Variants in ANKRD11 observed in about 807,000 individuals in gnomAD.
ANKRD11 encodes ankyrin repeat domain-containing protein 11.
A neutral mutation model predicts 195.7 loss-of-function variants in ANKRD11; 17 were observed. The observed-to-expected ratio is 0.09, with a 90% CI of 0.06 to 0.13. The LOEUF is 0.13. ANKRD11 is among the 10% of genes least tolerant of loss of function. ANKRD11 has a pLI of 1.00. For synonymous variants in ANKRD11, 1,953 were observed against 1,528.1 expected, an observed-to-expected ratio of 1.28 and a Z score of -6.49; for missense variants, 3,735 against 3,566.1, an observed-to-expected ratio of 1.05 and a Z score of -1.21.
intron 2 of ANKRD11, chr16:89,339,740 T>A (rs2038564111): frequency 6.6e-6 from 1 of 152,196 alleles, no homozygotes; most frequent in African/African-American, 2.4e-5. Context: ...GCTTTAGAAT[T>A]CTAACATTTA....
At chr16:89,407,871 A>AAG (rs2041972605) in intron 2 of ANKRD11, among the ~76,000 whole-genome samples, 2 of 117,928 alleles carry the variant, frequency 1.7e-5, no homozygotes, top group African/African-American at 6.1e-5. Flanking sequence ...AAAAAAAAAA[A>AAG]AAGAAGAAGA....
In ANKRD11 at chr16:89,281,922, T is replaced by C. The variant is rs762732341; in HGVS notation, c.4620A>G (p.Lys1540=). 2 of 1,613,230 alleles carry C rather than the reference T, an allele frequency of 1.2e-6. No homozygotes were observed. The highest frequency in any genetic ancestry group is 2.2e-5 in the East Asian group (1 of 44,894). The change falls in exon 9 of 13, where the codon AAA becomes AAG. Residue 1540 remains lysine (K), a synonymous_variant. Coordinates refer to ENST00000301030, the MANE Select transcript of ANKRD11 (RefSeq NM_013275.6). The surrounding 1 kb of genome is among the most constrained non-coding windows in gnomAD (Gnocchi z 5.5). ...LKEKFKDGAE[K]EKGDPVKMSN... ...TCATCTTCACTGGGTCGCCCTTTTC[T>C]TTCTCTGCACCGTCCTTGAATTTCT...
At chr16:89,490,054 G>T (rs1359636768) in intron 1 of ANKRD11, among the ~76,000 whole-genome samples, 191 bp downstream of exon 1, 1 of 142,458 alleles carries the variant, frequency 7.0e-6, no homozygotes, top group Admixed American at 6.8e-5. Flanking sequence ...GCCCGCTCCG[G>T]GACCCATTAT....
chr16:89,276,219 G>A (rs544840546), intron 9 of ANKRD11, among the ~76,000 whole-genome samples: 33 of 152,288 alleles, frequency 2.2e-4, no homozygotes, highest in African/African-American at 7.5e-4. Context: ...TGGCGATGCC[G>A]GGCACCTGCA....
chr16:89,424,408 T>A (rs1597362988), intron 1 of ANKRD11, among the ~76,000 whole-genome samples: 2 of 149,054 alleles, frequency 1.3e-5, no homozygotes, highest in South Asian at 4.3e-4. Flanking sequence ...ACCTCTGCAC[T>A]CCAGGCTGGG....
At chr16:89,472,184 C>A (rs1185863397) in intron 1 of ANKRD11, among the ~76,000 whole-genome samples, 2 of 152,154 alleles carry the variant, frequency 1.3e-5, no homozygotes, top group African/African-American at 4.8e-5. Context: ...GCTGTCAACA[C>A]TGCCCAATAA....
At chr16:89,295,759 G>A (rs1405270711) in intron 4 of ANKRD11, among the ~76,000 whole-genome samples, 9 of 151,138 alleles carry the variant, frequency 6.0e-5, no homozygotes. Context: ...GCCTGGGGGT[G>A]CCCTGTGCTG....
At chr16:89,471,129 G>C (rs2152350231) in intron 1 of ANKRD11, among the ~76,000 whole-genome samples, 1 of 152,254 alleles carries the variant, frequency 6.6e-6, no homozygotes, top group South Asian at 2.1e-4. Context: ...AAGGCAGGAG[G>C]ATCATTTGAG....
At chr16:89,452,806 A>G (rs375848966) in intron 1 of ANKRD11, among the ~76,000 whole-genome samples, 1 of 148,670 alleles carries the variant, frequency 6.7e-6, no homozygotes, top group Non-Finnish European at 1.5e-5. Flanking sequence ...AAAAAAGAAT[A>G]CTTTGATGGT....
At position 89,341,843 on chromosome 16, in the gene ANKRD11, G is replaced by A. The variant is rs114977459; in HGVS notation, c.-59-24765C>T. 9.1e-3 allele frequency among the ~76,000 whole-genome samples: 1,375 copies of A among 150,458 alleles called. 37 individuals carry two copies. The highest frequency in any genetic ancestry group is 0.03 in the African/African-American group (1,230 of 40,470). ...CCACAGCAGCCACGGCCCACGGCGG[G>A]AGTGCTGCACCTCCACCCACAGCGG... On this transcript the variant is annotated intron_variant, in intron 2 of 12. Coordinates refer to ENST00000301030, the MANE Select transcript of ANKRD11 (RefSeq NM_013275.6).
chr16:89,445,992 AT>A (rs35107516), intron 1 of ANKRD11, among the ~76,000 whole-genome samples: 19,644 of 146,532 alleles, frequency 0.13, 1,739 homozygotes, highest in Non-Finnish European at 0.19. Flanking sequence ...AAAAAAAAAA[AT>A]TTTTTGTTAA....
chr16:89,356,121 T>C (rs1490970171), intron 2 of ANKRD11, among the ~76,000 whole-genome samples: 3 of 152,262 alleles, frequency 2.0e-5, no homozygotes, highest in South Asian at 2.1e-4. Flanking sequence ...TTAGTTACTA[T>C]GAACTAGTGC....
intron 2 of ANKRD11, among the ~76,000 whole-genome samples, chr16:89,352,685 C>A (rs1009844350): frequency 2.0e-5 from 3 of 152,230 alleles, no homozygotes; most frequent in Non-Finnish European, 4.4e-5. Flanking sequence ...TGGCCCTTCT[C>A]CACCCAATTC....
intron 2 of ANKRD11, among the ~76,000 whole-genome samples, chr16:89,413,457 C>A (rs2042175217): frequency 6.6e-6 from 1 of 152,064 alleles, no homozygotes; most frequent in South Asian, 2.1e-4. Context: ...AACCCCGTCT[C>A]TACTAAAGAT....
In ANKRD11 at chr16:89,317,079, C is replaced by T; in HGVS notation, c.-59-1G>A. The T allele has an allele frequency of 1.3e-6, 2 of 1,542,546 alleles. No homozygotes were observed. Among genetic ancestry groups the T allele is most frequent in the African/African-American group, 2.7e-5 (2 of 73,356 alleles). On this transcript the variant is annotated splice_acceptor_variant, in intron 2 of 12. Transcript: ENST00000301030. LOFTEE classifies it low-confidence loss of function (5UTR_SPLICE). Reference sequence around the variant, plus strand: ...CCGGCGCTTCATCATCAACCGTCTGCTTCAAAAGAGAAGACACACAATTCA... The same window carrying T: ...CCGGCGCTTCATCATCAACCGTCTGTTTCAAAAGAGAAGACACACAATTCA...
chr16:89,280,295 G>T lies in ANKRD11; in HGVS notation c.6247C>A (p.Pro2083Thr). 6.3e-7 allele frequency: 1 copy of T among 1,598,826 alleles called. No homozygotes were observed. The highest frequency in any genetic ancestry group is 8.5e-7 in the Non-Finnish European group (1 of 1,173,310). ...TGAGCCACAGCGGCTACACAGGCGG[G>T]CTCGGGGGCCACGTCCAGCGGGGCT... ...PEAPLDVAPE[P>T]ACVAAVAQVE... The change falls in exon 9 of 13, where the codon CCC becomes ACC. Residue 2083 changes from proline (P) to threonine (T), a missense_variant. Pro to Thr is a conservative substitution (Grantham distance 38, BLOSUM62 -1). Coordinates refer to ENST00000301030, the MANE Select transcript of ANKRD11 (RefSeq NM_013275.6).
intron 3 of ANKRD11, among the ~76,000 whole-genome samples, chr16:89,312,944 C>T (rs1055900621): frequency 6.6e-6 from 1 of 152,196 alleles, no homozygotes; most frequent in Non-Finnish European, 1.5e-5. Flanking sequence ...GGCCTCAGAC[C>T]AGATGTGAGT....
chr16:89,332,401 G>A lies in ANKRD11; in HGVS notation c.-59-15323C>T, dbSNP rs145563732. 4.3e-3 allele frequency among the ~76,000 whole-genome samples: 657 copies of A among 152,294 alleles called. 3 individuals are homozygous for A. Among genetic ancestry groups the A allele is most frequent in the Non-Finnish European group, 6.6e-3 (447 of 68,018 alleles). ...ACACTGAGCCCCCCAAGTCCCCGAG[G>A]ACAGAGATGCCTTACAGCTCCACAC... On this transcript the variant is annotated intron_variant, in intron 2 of 12. Transcript: ENST00000301030.
Position 89,268,335 on chromosome 16 carries a change from AGGCGCTGT to A in ANKRD11, c.*135_*142del, listed in dbSNP as rs1469504310. The A allele has an allele frequency of 3.0e-5, 14 of 465,620 alleles. No individual in the cohort carries two copies. The highest frequency in any genetic ancestry group is 2.1e-4 in the Admixed American group (5 of 24,236). 28.8% of individuals were successfully genotyped at this position (465,620 alleles called of 1,614,324 possible). ...GTCTGGACCAGTCTGGAAGGGATGG[AGGCGCTGT>A]GGCCAAGTGCAGTCTCTCTCGGGGT... On this transcript the variant is annotated 3_prime_UTR_variant, in exon 13 of 13. Coordinates refer to ENST00000301030, the MANE Select transcript of ANKRD11 (RefSeq NM_013275.6).
Sources: gnomAD v4.1 joint callset for allele counts (sites outside exome capture counted in the v4.1 genomes callset) on GRCh38, gnomAD v4.1.1 for gene constraint, Gnocchi (gnomAD v3.1) non-coding constraint, MANE v1.5 for transcripts, NCBI Gene and HGNC (gene_info 2026-07-23, HGNC 2026-07-21) for gene names.